The following TAP2 variants were observed in gnomAD, a reference collection of about 807,000 sequenced individuals.
TAP2 encodes transporter 2, ATP binding cassette subfamily B member, also known as antigen peptide transporter 2.
TAP2 carries 49 observed loss-of-function variants against 74.7 expected under a neutral mutation model. The observed-to-expected ratio is 0.66, with a 90% CI of 0.52 to 0.83. The LOEUF (loss-of-function observed/expected upper bound fraction) is 0.83, where lower values mean the gene tolerates loss of function less well. Ranked by LOEUF, TAP2 falls within the 40% of genes least tolerant of loss-of-function variation. The pLI is 0.00. For synonymous variants in TAP2, 306 were observed against 368.4 expected (o/e 0.83, Z 1.94); for missense variants, 739 against 859.0 (o/e 0.86, Z 1.75).
Position 32,830,431 on chromosome 6 carries a change from A to C in TAP2, c.1471T>G (p.Phe491Val). 11 of 1,612,812 alleles carry C rather than the reference A, an allele frequency of 6.8e-6. No individual in the cohort carries two copies. Among genetic ancestry groups the C allele is most frequent in the Non-Finnish European group, 9.3e-6 (11 of 1,179,892 alleles). The change falls in exon 9 of 12, where the codon TTT (phenylalanine) becomes GTT (valine). Residue 491 changes from phenylalanine (F) to valine (V), a missense_variant. Coordinates refer to ENST00000374897, the MANE Select transcript of TAP2 (RefSeq NM_001290043.2). ...GTCACCTCACCAGGACGTAGGGTAA[A>C]CGTCAGCCCCTAGAAAACCAGAAAA... The part of the protein sequence containing the change: ...PDRPVLKGLT[F>V]TLRPGEVTAL...
rs760602887 is a variant in TAP2 at position 32,830,399 on chromosome 6, C to G, written c.1503G>C (p.Leu501=). The G allele has an allele frequency of 1.1e-5, 17 of 1,612,878 alleles. No individual in the cohort carries two copies. In the East Asian group the frequency reaches 3.3e-4, roughly 32 times the overall value. The change falls in exon 9 of 12, where the codon CTG becomes CTC. Residue 501 remains leucine, a synonymous_variant. Transcript: ENST00000374897. The part of the protein sequence containing the change: ...FTLRPGEVTA[L]VGPNGSGKST... ...TCTTCCCAGACCCATTGGGTCCCAC[C>G]AGCGCCGTCACCTCACCAGGACGTA... is the stretch of plus-strand genomic sequence containing the variant.
rs778623201 is a variant in TAP2 at position 32,835,792 on chromosome 6, A to G, written c.609-19T>C. The stretch of plus-strand genomic sequence containing the variant: ...CAGTGAGCTGTGGGGTAGGAGAATA[A>G]GAGGGGAGGGAGATGCAGAGAAGGA... On this transcript the variant is annotated intron_variant, in intron 3 of 11. Coordinates refer to ENST00000374897, the MANE Select transcript of TAP2 (RefSeq NM_001290043.2). This position sits in a 1 kb window ranked among gnomAD's most constrained non-coding sequence, Gnocchi z 4.0. The G allele has an allele frequency of 3.7e-6, 6 of 1,613,170 alleles. No individual in the cohort carries two copies. In the Admixed American group the frequency reaches 1.0e-4, roughly 27 times the overall value.
At chr6:32,829,584 C>T (rs241440) in intron 10 of TAP2, 48 bp from the exon 11 acceptor site, 430,450 of 1,610,984 alleles carry the variant, frequency 0.27, 60,405 homozygotes, top group South Asian at 0.39. Context: ...GTGACACAGA[C>T]AACACACAAG....
chr6:32,836,249 C>T (rs191531006), intron 3 of TAP2, among the ~76,000 whole-genome samples: 32 of 152,280 alleles, frequency 2.1e-4, no homozygotes, highest in Non-Finnish European at 3.1e-4. Context: ...AAATTCCCTG[C>T]CCCCACAATT....
At chr6:32,830,510 C>T in intron 8 of TAP2, 70 bp from the exon 9 acceptor site, 3 of 1,592,422 alleles carry the variant, frequency 1.9e-6, no homozygotes, top group Non-Finnish European at 2.6e-6. Context: ...CTCTTCTTAG[C>T]AGAGGCAAGA....
Position 32,827,314 on chromosome 6 carries a change from T to A in TAP2, c.*1592A>T. On this transcript the variant is annotated 3_prime_UTR_variant, in exon 12 of 12. Coordinates refer to ENST00000374897, the MANE Select transcript of TAP2 (RefSeq NM_001290043.2). ...GCAGGGAGGATTAAGATTAGTACGATGGTGGAGATATTTATTCATTTATTC... is the reference window on the plus strand; with the variant it reads ...GCAGGGAGGATTAAGATTAGTACGAAGGTGGAGATATTTATTCATTTATTC... The A allele has an allele frequency of 1.1e-5, 11 of 985,444 alleles. No homozygotes were observed. Among genetic ancestry groups the A allele is most frequent in the Non-Finnish European group, 1.3e-5 (11 of 829,926 alleles). 61.0% of individuals were successfully genotyped at this position (985,444 alleles called of 1,614,324 possible).
At chr6:32,831,200 T>C (rs1562328711) in intron 7 of TAP2, among the ~76,000 whole-genome samples, 1 of 152,222 alleles carries the variant, frequency 6.6e-6, no homozygotes, top group African/African-American at 2.4e-5. Flanking sequence ...AAAAGATGTT[T>C]ATCAAGTGTC....
At position 32,828,326 on chromosome 6, in the gene TAP2, C is replaced by A. The variant is rs1768790080; in HGVS notation, c.*580G>T. On this transcript the variant is annotated 3_prime_UTR_variant, in exon 12 of 12. Transcript: ENST00000374897. ...GGAACTGTTCTCTGTCCCTCCAGACCCTAGCTTCTTCAAAATAGCAGACAC... is the reference window on the plus strand; with the variant it reads ...GGAACTGTTCTCTGTCCCTCCAGACACTAGCTTCTTCAAAATAGCAGACAC... 2 of 985,304 alleles carry A rather than the reference C, an allele frequency of 2.0e-6. No homozygotes were observed. Among genetic ancestry groups the A allele is most frequent in the African/African-American group, 3.5e-5 (2 of 57,170 alleles). 61.0% of individuals were successfully genotyped at this position (985,304 alleles called of 1,614,324 possible). A position where few individuals can be genotyped will look rare whatever the true frequency, so the allele number is the denominator to read the frequency against.
chr6:32,823,396 T>C (rs1038508270), downstream of TAP2, among the ~76,000 whole-genome samples: 3 of 149,158 alleles, frequency 2.0e-5, no homozygotes, highest in Non-Finnish European at 2.9e-5. Flanking sequence ...ATTTTATACT[T>C]TACATTATAA....
chr6:32,832,431 G>C lies in TAP2; in HGVS notation c.1174C>G (p.Leu392Val). 1 of 1,612,852 alleles carries C rather than the reference G, an allele frequency of 6.2e-7. No individual in the cohort carries two copies. The highest frequency in any genetic ancestry group is 1.3e-5 in the African/African-American group (1 of 75,036). The part of the protein sequence containing the change: ...VLHLGVQMLM[L>V]SCGLQQMQDG... ...TGCATCTGCTGCAGCCCACAGCTCAGCATCAGCATCTGCACCCCCAAGTGC... is the reference window on the plus strand; with the variant it reads ...TGCATCTGCTGCAGCCCACAGCTCACCATCAGCATCTGCACCCCCAAGTGC... Residue 392 changes from leucine to valine, a missense_variant, in exon 7 of 12, where the codon CTG (leucine) becomes GTG (valine). Transcript: ENST00000374897. The surrounding 1 kb of genome is among the most constrained non-coding windows in gnomAD (Gnocchi z 5.9).
At chr6:32,836,063 A>G (rs241429) in intron 3 of TAP2, among the ~76,000 whole-genome samples, 81,515 of 152,000 alleles carry the variant, frequency 0.54, 22,539 homozygotes, top group South Asian at 0.63. Flanking sequence ...CACAATAGAA[A>G]ACTACAATAG....
chr6:32,830,919 A>C, intron 7 of TAP2, 113 bp from the exon 8 acceptor site: 1 of 954,962 alleles, frequency 1.0e-6, no homozygotes, highest in Non-Finnish European at 1.6e-6. Context: ...TCCATACTCA[A>C]AAGAGATTCT....
chr6:32,832,911 A>G lies in TAP2; in HGVS notation c.946-87T>C. On this transcript the variant is annotated intron_variant, in intron 5 of 11. Transcript: ENST00000374897. This position sits in a 1 kb window ranked among gnomAD's most constrained non-coding sequence, Gnocchi z 5.9. ...TACTCCAGCCAGTGAGATGCTCCCT[A>G]GTCTACCTAAAAATACCAAACTGTT... 6.9e-7 allele frequency: 1 copy of G among 1,439,180 alleles called. No homozygotes were observed. The highest frequency in any genetic ancestry group is 1.2e-5 in the South Asian group (1 of 86,572). The allele number at this position is 1,439,180 out of a possible 1,614,324, so 89.2% of individuals were successfully genotyped here. A position where few individuals can be genotyped will look rare whatever the true frequency, so the allele number is the denominator to read the frequency against.
Position 32,828,691 on chromosome 6 carries a change from A to T in TAP2, c.*215T>A, listed in dbSNP as rs1233556889. 2.5e-6 allele frequency: 1 copy of T among 402,252 alleles called. No individual in the cohort carries two copies. Among genetic ancestry groups the T allele is most frequent in the Non-Finnish European group, 3.1e-6 (1 of 324,532 alleles). 24.9% of individuals were successfully genotyped at this position (402,252 alleles called of 1,614,324 possible). On this transcript the variant is annotated 3_prime_UTR_variant, in exon 12 of 12. Transcript: ENST00000374897. Reference sequence around the variant, plus strand: ...ACACAGACAGCCCCCACCCCACCCCACCCCACCTCTCTACCCCACCAAAAG... The same window carrying T: ...ACACAGACAGCCCCCACCCCACCCCTCCCCACCTCTCTACCCCACCAAAAG...
Position 32,828,935 on chromosome 6 carries a change from C to T in TAP2, c.2032G>A (p.Gly678Ser), listed in dbSNP as rs762806229. 11 of 1,546,138 alleles carry T rather than the reference C, an allele frequency of 7.1e-6. No individual in the cohort carries two copies. In the South Asian group the frequency reaches 1.2e-4, roughly 17 times the overall value. ...RAHQILVLQEGKLQKLAQL is the reference protein window; with the variant it reads ...RAHQILVLQESKLQKLAQL The stretch of plus-strand genomic sequence containing the variant: ...AGCTGGGCAAGCTTCTGCAGCTTGC[C>T]CTCCTGGAGCACCAGGATCTGGTGG... Residue 678 changes from glycine to serine, a missense_variant, in exon 12 of 12, where the codon GGC becomes AGC. Coordinates refer to ENST00000374897, the MANE Select transcript of TAP2 (RefSeq NM_001290043.2).
chr6:32,823,163 G>A (rs2621320), downstream of TAP2, among the ~76,000 whole-genome samples: 24,591 of 151,908 alleles, frequency 0.16, 2,516 homozygotes, highest in African/African-American at 0.28. Flanking sequence ...CAGGTGATCC[G>A]CCCGCCTTGG....
Position 32,830,651 on chromosome 6 carries a change from T to G in TAP2, c.1428A>C (p.Ala476=). 2 of 1,613,090 alleles carry G rather than the reference T, an allele frequency of 1.2e-6. No homozygotes were observed. Among genetic ancestry groups the G allele is most frequent in the Non-Finnish European group, 1.7e-6 (2 of 1,180,028 alleles). ...CAGGCCTGTCAGGGCGATTGGGATA[T>G]GCAAAGGAGACGTCTTGGAATTTCA... is the stretch of plus-strand genomic sequence containing the variant. ...GVVKFQDVSF[A]YPNRPDRPVL... The change falls in exon 8 of 12, where the codon GCA becomes GCC. Residue 476 remains alanine, a synonymous_variant. Transcript: ENST00000374897.
intron 5 of TAP2, among the ~76,000 whole-genome samples, chr6:32,833,123 C>A (rs1769199823): frequency 1.3e-5 from 2 of 152,066 alleles, no homozygotes. Flanking sequence ...TCCCAAGGAG[C>A]CACAGATAGT....
At chr6:32,834,740 T>C (rs1769301211) in intron 5 of TAP2, among the ~76,000 whole-genome samples, 1 of 152,250 alleles carries the variant, frequency 6.6e-6, no homozygotes, top group Non-Finnish European at 1.5e-5. Flanking sequence ...CCTTTCCCTA[T>C]GCTGCATCCA....
Sources: allele counts gnomAD v4.1 joint callset (sites outside exome capture counted in the v4.1 genomes callset), GRCh38; gene constraint gnomAD v4.1.1; non-coding constraint Gnocchi (gnomAD v3.1); transcripts MANE v1.5; gene names NCBI Gene and HGNC (gene_info 2026-07-23, HGNC 2026-07-21).